SYT16: variants seen among roughly 807,000 people sequenced by gnomAD.
SYT16 encodes synaptotagmin-16.
In SYT16, 42 loss-of-function variants were observed where a neutral mutation model predicts 61.4. The observed-to-expected ratio is 0.68, with a 90% confidence interval of 0.53 to 0.89. The LOEUF (loss-of-function observed/expected upper bound fraction) is 0.89, where lower values mean the gene tolerates loss of function less well. SYT16 is among the 40% of genes least tolerant of loss of function. The pLI is 0.00. For synonymous variants in SYT16, 314 were observed against 302.3 expected (o/e 1.04, Z -0.40); for missense variants, 804 against 807.3 (o/e 1.00, Z 0.05).
At chr14:61,878,452 A>G (rs17099292) in intron 1 of SYT16, among the ~76,000 whole-genome samples, 2,121 of 152,308 alleles carry the variant, frequency 0.014, 18 homozygotes, top group African/African-American at 0.019. Flanking sequence ...CATGACTCTC[A>G]AATGCAGGGA....
chr14:61,918,883 A>G (rs1037069598), intron 1 of SYT16, among the ~76,000 whole-genome samples: 4 of 152,180 alleles, frequency 2.6e-5, no homozygotes, highest in African/African-American at 9.6e-5. Context: ...TAGGCAAGGC[A>G]TTTCTAGGTG....
intron 2 of SYT16, among the ~76,000 whole-genome samples, chr14:61,970,583 T>C (rs2051503601): frequency 1.3e-5 from 2 of 152,198 alleles, no homozygotes; most frequent in East Asian, 3.9e-4. Flanking sequence ...TTTAGTCTCA[T>C]GATGTTAGAA....
intron 1 of SYT16, among the ~76,000 whole-genome samples, chr14:61,911,722 T>C (rs1594895788): frequency 6.6e-6 from 1 of 152,098 alleles, no homozygotes; most frequent in East Asian, 1.9e-4. Flanking sequence ...GCAAAGGAAG[T>C]GGGGCTCTCT....
At chr14:61,983,381 A>T (rs554988350) in intron 2 of SYT16, among the ~76,000 whole-genome samples, 259 of 152,326 alleles carry the variant, frequency 1.7e-3, no homozygotes, top group African/African-American at 6.0e-3. Context: ...TTGAGGTTTA[A>T]TGAAAAGATG....
At chr14:62,039,481 A>G (rs1254917) in intron 3 of SYT16, among the ~76,000 whole-genome samples, 66,120 of 152,022 alleles carry the variant, frequency 0.43, 15,131 homozygotes, top group Middle Eastern at 0.54. Flanking sequence ...GCTATGTGTG[A>G]GGACGCAAGG....
At position 62,105,835 on chromosome 14, in the gene SYT16, C is replaced by T. The variant is rs1454918814; in HGVS notation, c.*5128C>T. The stretch of plus-strand genomic sequence containing the variant: ...GGGATGAGAAGTGCGAGGCTACACT[C>T]CTAATATAATCAAATTGCCAAAGCA... On this transcript the variant is annotated 3_prime_UTR_variant, in exon 8 of 8. Coordinates refer to ENST00000683842, the MANE Select transcript of SYT16 (RefSeq NM_001367656.1). 6.6e-6 allele frequency: 1 copy of T among 152,150 alleles called. No individual in the cohort carries two copies. Among genetic ancestry groups the T allele is most frequent in the Non-Finnish European group, 1.5e-5 (1 of 68,024 alleles). 9.4% of individuals were successfully genotyped at this position (152,150 alleles called of 1,614,324 possible).
At chr14:62,029,414 G>A (rs1234386105) in intron 3 of SYT16, among the ~76,000 whole-genome samples, 1 of 152,174 alleles carries the variant, frequency 6.6e-6, no homozygotes, top group African/African-American at 2.4e-5. Flanking sequence ...TAGGCGTCGG[G>A]CTTTTCCACT....
intron 1 of SYT16, among the ~76,000 whole-genome samples, chr14:61,877,641 G>T (rs749006036): frequency 6.6e-6 from 1 of 152,138 alleles, no homozygotes; most frequent in African/African-American, 2.4e-5. Flanking sequence ...GCATAGAAAC[G>T]CTTAAGCATG....
At chr14:61,861,404 C>G (rs542476247) in intron 1 of SYT16, among the ~76,000 whole-genome samples, 1 of 152,286 alleles carries the variant, frequency 6.6e-6, no homozygotes, top group African/African-American at 2.4e-5. Context: ...CTTTTACTTT[C>G]TTTCGGATAA....
intron 1 of SYT16, among the ~76,000 whole-genome samples, chr14:61,940,758 C>T (rs1389190550): frequency 6.6e-6 from 1 of 152,196 alleles, no homozygotes; most frequent in African/African-American, 2.4e-5. Flanking sequence ...TTCCCTCCCT[C>T]TCAGGTTTTC....
chr14:61,905,773 T>C (rs1566668480), intron 1 of SYT16, among the ~76,000 whole-genome samples: 24 of 135,704 alleles, frequency 1.8e-4, no homozygotes, highest in Admixed American at 5.2e-4. Flanking sequence ...TTTTTTTTTT[T>C]TTGGGGATAA....
chr14:61,983,787 C>CA (rs1356549358), intron 2 of SYT16, among the ~76,000 whole-genome samples: 6 of 152,196 alleles, frequency 3.9e-5, no homozygotes, highest in Non-Finnish European at 8.8e-5. Flanking sequence ...GTTGGCCACT[C>CA]AAAGTCCAGG....
At chr14:61,951,063 C>T (rs549959526) in intron 1 of SYT16, among the ~76,000 whole-genome samples, 14 of 152,200 alleles carry the variant, frequency 9.2e-5, no homozygotes, top group South Asian at 4.1e-4. Flanking sequence ...GGGACACTAA[C>T]GCTAGATAAT....
At chr14:61,928,909 T>C (rs1464131824) in intron 1 of SYT16, among the ~76,000 whole-genome samples, 1 of 152,204 alleles carries the variant, frequency 6.6e-6, no homozygotes, top group Non-Finnish European at 1.5e-5. Flanking sequence ...GGTGATTTAG[T>C]AGGCACAAGC....
intron 1 of SYT16, among the ~76,000 whole-genome samples, chr14:61,822,853 G>A (rs74349595): frequency 0.018 from 2,684 of 152,284 alleles, 44 homozygotes; most frequent in Middle Eastern, 0.048. Flanking sequence ...CACAGAGTGA[G>A]ACAAATGAGA....
chr14:61,943,723 G>A (rs554111330), intron 1 of SYT16, among the ~76,000 whole-genome samples: 368 of 152,218 alleles, frequency 2.4e-3, no homozygotes, highest in Non-Finnish European at 4.2e-3. Flanking sequence ...GGCATTGATG[G>A]AATGAATCTC....
chr14:61,962,491 AT>A (rs2140504752), intron 1 of SYT16, among the ~76,000 whole-genome samples: 1 of 151,904 alleles, frequency 6.6e-6, no homozygotes, highest in East Asian at 1.9e-4. Flanking sequence ...CTCGGTATAG[AT>A]CTTTTTGTGT....
chr14:61,949,921 C>G (rs1422710314), intron 1 of SYT16, among the ~76,000 whole-genome samples: 1 of 152,174 alleles, frequency 6.6e-6, no homozygotes, highest in African/African-American at 2.4e-5. Context: ...CTTTGTAACA[C>G]GGTGCCTGCA....
At position 62,010,659 on chromosome 14, in the gene SYT16, A is replaced by T. The variant is rs142788120; in HGVS notation, c.523+14117A>T. Among the ~76,000 whole-genome samples the T allele has an allele frequency of 7.3e-3, 1,116 of 152,298 alleles. 9 individuals are homozygous for T. The highest frequency in any genetic ancestry group is 0.017 in the Middle Eastern group (5 of 294). The stretch of plus-strand genomic sequence containing the variant: ...AGGATGTCAGGTATAGGATCATCAC[A>T]GGAGACATTGCTGTTCATGGAAGGA... On this transcript the variant is annotated intron_variant, in intron 3 of 7. Transcript: ENST00000683842.
Sources: gnomAD v4.1 joint callset for allele counts (sites outside exome capture counted in the v4.1 genomes callset) on GRCh38, gnomAD v4.1.1 for gene constraint, MANE v1.5 for transcripts, NCBI Gene and HGNC (gene_info 2026-07-23, HGNC 2026-07-21) for gene names.